Variants in CCDC102B observed in about 807,000 individuals in gnomAD.
The protein encoded by CCDC102B is coiled-coil domain containing 102B.
A neutral mutation model predicts 57.4 loss-of-function variants in CCDC102B; 75 were observed. The ratio of observed to expected loss-of-function variants is 1.31; its 90% confidence interval spans 1.08 to 1.58. The LOEUF (loss-of-function observed/expected upper bound fraction) is 1.58, where lower values mean the gene tolerates loss of function less well. Ranked by LOEUF, CCDC102B falls within the 40% of genes most tolerant of loss-of-function variation. The probability of loss-of-function intolerance (pLI) is 0.00; values close to 1 mark genes in which losing one functional copy is unlikely to be tolerated. For synonymous variants in CCDC102B, 206 were observed against 201.9 expected (o/e 1.02, Z -0.17); for missense variants, 636 against 582.6 (o/e 1.09, Z -0.94).
At chr18:68,723,685 G>T (rs753069233) in intron 2 of CCDC102B, among the ~76,000 whole-genome samples, 4 of 152,212 alleles carry the variant, frequency 2.6e-5, no homozygotes, top group Non-Finnish European at 5.9e-5. Context: ...ATGTGGAGCA[G>T]CTTGGACAGC....
intron 2 of CCDC102B, among the ~76,000 whole-genome samples, chr18:68,745,440 C>A (rs903842272): frequency 3.9e-5 from 4 of 101,516 alleles, no homozygotes; most frequent in African/African-American, 7.1e-5. Flanking sequence ...TCAATGCCCT[C>A]ATTTCATTTA....
intron 7 of CCDC102B, among the ~76,000 whole-genome samples, chr18:69,016,775 A>G (rs946305532): frequency 2.0e-5 from 3 of 152,208 alleles, no homozygotes; most frequent in Non-Finnish European, 2.9e-5. Context: ...TTTTCCCAAT[A>G]TAACTCTGCC....
At chr18:69,028,268 G>A (rs1290625637) in intron 7 of CCDC102B, among the ~76,000 whole-genome samples, 1 of 152,128 alleles carries the variant, frequency 6.6e-6, no homozygotes, top group East Asian at 1.9e-4. Flanking sequence ...GAAATGAAGG[G>A]AGTAGAAAGA....
rs190738849 is a variant in CCDC102B, at chr18:68,924,665, A to G, written c.1263+27237A>G. ...AGCTTTTCAGAAGAATTTCTATGTG[A>G]GGGGAGATAGGTAGTTCAGGGGACT... On this transcript the variant is annotated intron_variant, in intron 6 of 7. Transcript: ENST00000360242. 9.0e-3 allele frequency among the ~76,000 whole-genome samples: 1,371 copies of G among 152,184 alleles called. 18 individuals are homozygous for G. The highest frequency in any genetic ancestry group is 0.031 in the African/African-American group (1,306 of 41,540).
intron 2 of CCDC102B, among the ~76,000 whole-genome samples, chr18:68,758,176 T>C (rs2034120702): frequency 7.2e-6 from 1 of 139,590 alleles, no homozygotes; most frequent in Non-Finnish European, 1.5e-5. Flanking sequence ...CATGTATATG[T>C]ATGTATTATA....
intron 6 of CCDC102B, among the ~76,000 whole-genome samples, chr18:68,905,323 A>T (rs1017869214): frequency 4.2e-5 from 3 of 71,198 alleles, no homozygotes; most frequent in Non-Finnish European, 9.1e-5. Flanking sequence ...TATTATTACA[A>T]AATAATGAGA....
At chr18:68,990,386 T>G (rs1442857242) in intron 6 of CCDC102B, among the ~76,000 whole-genome samples, 1 of 152,214 alleles carries the variant, frequency 6.6e-6, no homozygotes, top group Non-Finnish European at 1.5e-5. Flanking sequence ...TAATTTTCTC[T>G]GGTCATCACT....
At chr18:69,040,896 G>C (rs992641463) in intron 7 of CCDC102B, among the ~76,000 whole-genome samples, 7 of 151,992 alleles carry the variant, frequency 4.6e-5, no homozygotes, top group Non-Finnish European at 8.8e-5. Context: ...TTAAACCTGG[G>C]TGAGGTAAGA....
intron 6 of CCDC102B, chr18:68,993,177 C>G (rs2050921347): frequency 6.4e-6 from 1 of 155,308 alleles, no homozygotes; most frequent in South Asian, 1.8e-4. Context: ...GGTCACAGCC[C>G]CACCCTTTAG....
intron 2 of CCDC102B, among the ~76,000 whole-genome samples, chr18:68,771,083 A>G (rs1471272978): frequency 6.6e-6 from 1 of 152,234 alleles, no homozygotes; most frequent in Non-Finnish European, 1.5e-5. Context: ...GATTTGGGGA[A>G]TTCCCAGATT....
chr18:68,915,962 A>G (rs2041057411), intron 6 of CCDC102B, among the ~76,000 whole-genome samples: 2 of 152,196 alleles, frequency 1.3e-5, no homozygotes, highest in South Asian at 4.1e-4. Flanking sequence ...AAATATGTAA[A>G]TAACAGAGAC....
chr18:68,802,003 A>C (rs924264942), intron 1 of CCDC102B, among the ~76,000 whole-genome samples: 2 of 152,160 alleles, frequency 1.3e-5, no homozygotes, highest in Non-Finnish European at 2.9e-5. Flanking sequence ...AAGAAAATGT[A>C]TTTCACAATA....
chr18:68,914,900 A>T lies in CCDC102B; in HGVS notation c.1263+17472A>T, dbSNP rs1015152823. Among the ~76,000 whole-genome samples the T allele has an allele frequency of 1.3e-5, 2 of 152,132 alleles. 1 individual carries two copies. The highest frequency in any genetic ancestry group is 1.3e-4 in the Admixed American group (2 of 15,288). On this transcript the variant is annotated intron_variant, in intron 6 of 7. Coordinates refer to ENST00000360242, the MANE Select transcript of CCDC102B (RefSeq NM_024781.3). ...TTTGTTATACATTGTTTCACATAAA[A>T]TCACAGTTTCCAAGAACCTATGGAT...
intron 6 of CCDC102B, among the ~76,000 whole-genome samples, chr18:68,949,222 C>T (rs147244371): frequency 2.7e-4 from 41 of 152,138 alleles, no homozygotes; most frequent in African/African-American, 7.7e-4. Flanking sequence ...TTCACAGACA[C>T]ACCCAGGATC....
intron 6 of CCDC102B, among the ~76,000 whole-genome samples, chr18:68,982,145 C>A (rs2050602411): frequency 6.6e-6 from 1 of 151,766 alleles, no homozygotes; most frequent in Non-Finnish European, 1.5e-5. Flanking sequence ...GGAGAAAAAT[C>A]CATGCAGAAT....
intron 2 of CCDC102B, among the ~76,000 whole-genome samples, chr18:68,736,143 T>A (rs893842205): frequency 2.5e-4 from 38 of 152,354 alleles, no homozygotes; most frequent in Middle Eastern, 6.8e-3. Context: ...GGATTTTTTT[T>A]AAAGTTTTTG....
At chr18:68,783,074 C>T (rs533677680) in intron 2 of CCDC102B, among the ~76,000 whole-genome samples, 1 of 152,104 alleles carries the variant, frequency 6.6e-6, no homozygotes, top group Non-Finnish European at 1.5e-5. Context: ...CCTCGTTTTG[C>T]AGGTGAGGTA....
intron 5 of CCDC102B, among the ~76,000 whole-genome samples, chr18:68,878,746 G>A (rs2144946949): frequency 6.6e-6 from 1 of 152,240 alleles, no homozygotes. Context: ...CCCAGGTTAT[G>A]ATATTTTGTG....
At chr18:68,830,752 T>G (rs1425748753) in intron 1 of CCDC102B, among the ~76,000 whole-genome samples, 1 of 151,784 alleles carries the variant, frequency 6.6e-6, no homozygotes, top group East Asian at 1.9e-4. Context: ...CAGCAATATT[T>G]TAGAGCAGAG....
Sources: gnomAD v4.1 joint callset for allele counts (sites outside exome capture counted in the v4.1 genomes callset) on GRCh38, gnomAD v4.1.1 for gene constraint, MANE v1.5 for transcripts, NCBI Gene and HGNC (gene_info 2026-07-23, HGNC 2026-07-21) for gene names.